NECAB1: variants seen among roughly 807,000 people sequenced by gnomAD.
NECAB1 encodes the protein N-terminal EF-hand calcium binding protein 1, also known as N-terminal EF-hand calcium-binding protein 1.
NECAB1 carries 29 observed loss-of-function variants against 57.5 expected under a neutral mutation model. The ratio of observed to expected loss-of-function variants is 0.50; its 90% confidence interval spans 0.38 to 0.69. The LOEUF (loss-of-function observed/expected upper bound fraction) is 0.69. Among genes scored for constraint, NECAB1 ranks in the 30% least tolerant of loss-of-function variants. NECAB1 has a pLI of 0.00. For synonymous variants in NECAB1, 142 were observed against 147.7 expected (o/e 0.96, Z 0.28); for missense variants, 372 against 413.8 (o/e 0.90, Z 0.88).
At position 90,801,113 on chromosome 8, in the gene NECAB1, G is replaced by C. The variant is rs562068454; in HGVS notation, c.100-578G>C. 1.7e-4 allele frequency among the ~76,000 whole-genome samples: 26 copies of C among 152,124 alleles called. No individual in the cohort carries two copies. In the South Asian group the frequency reaches 5.4e-3, roughly 32 times the overall value. On this transcript the variant is annotated intron_variant, in intron 1 of 12. Coordinates refer to ENST00000417640, the MANE Select transcript of NECAB1 (RefSeq NM_022351.5). Reference sequence around the variant, plus strand: ...TTTTGTTGAATCCCAGTTTTATTGAGGTATGATTGACTTACATTAATGTGC... The same window carrying C: ...TTTTGTTGAATCCCAGTTTTATTGACGTATGATTGACTTACATTAATGTGC...
chr8:90,809,419 A>G (rs567657023), intron 2 of NECAB1, among the ~76,000 whole-genome samples: 1 of 152,350 alleles, frequency 6.6e-6, no homozygotes, highest in South Asian at 2.1e-4. Context: ...GGCACTTAGC[A>G]TACAGCAAAA....
chr8:90,929,665 C>T (rs1317748504), intron 8 of NECAB1, among the ~76,000 whole-genome samples: 1 of 152,072 alleles, frequency 6.6e-6, no homozygotes, highest in Non-Finnish European at 1.5e-5. Context: ...AATCCCAGAG[C>T]ACAGTACAGA....
intron 3 of NECAB1, among the ~76,000 whole-genome samples, chr8:90,834,121 C>T (rs967582922): frequency 1.5e-5 from 2 of 132,062 alleles, no homozygotes; most frequent in South Asian, 2.4e-4. Context: ...TGAGACTGTG[C>T]ACCACTGTAC....
intron 12 of NECAB1, among the ~76,000 whole-genome samples, chr8:90,954,857 A>G (rs1810991493): frequency 6.7e-6 from 1 of 148,316 alleles, no homozygotes; most frequent in Non-Finnish European, 1.5e-5. Context: ...TTATAAATAT[A>G]TGTATACATA....
chr8:90,882,874 A>T (rs1586082282), intron 5 of NECAB1, among the ~76,000 whole-genome samples: 2 of 152,186 alleles, frequency 1.3e-5, no homozygotes, highest in Admixed American at 1.3e-4. Flanking sequence ...AATTAAAATC[A>T]TACTCAAAAA....
intron 8 of NECAB1, among the ~76,000 whole-genome samples, chr8:90,931,187 G>C (rs193283470): frequency 1.3e-5 from 2 of 152,198 alleles, no homozygotes; most frequent in African/African-American, 4.8e-5. Context: ...GTGGAGCTCA[G>C]TGTGAGCTGT....
intron 4 of NECAB1, among the ~76,000 whole-genome samples, chr8:90,877,443 C>A (rs1808748425): frequency 6.6e-6 from 1 of 152,128 alleles, no homozygotes; most frequent in South Asian, 2.1e-4. Context: ...TCCTAGGGAA[C>A]CTCGCCCTCA....
intron 9 of NECAB1, among the ~76,000 whole-genome samples, chr8:90,935,552 G>A (rs1220931473): frequency 5.3e-5 from 8 of 152,042 alleles, no homozygotes; most frequent in African/African-American, 1.7e-4. Flanking sequence ...GTGCAGTCCC[G>A]GAGGCACAGG....
Position 90,934,309 on chromosome 8 carries a change from C to CA in NECAB1, c.702dup (p.Leu235ThrfsTer10). Reference sequence around the variant, plus strand: ...ATTTCTTCCTCTTATTGAAGGATCTCAAACTCGAACCACCAGAAGAAGAAA... The same window carrying CA: ...ATTTCTTCCTCTTATTGAAGGATCTCAAAACTCGAACCACCAGAAGAAGAAA... On this transcript the variant is annotated frameshift_variant, in exon 9 of 13. Transcript: ENST00000417640. LOFTEE classifies it high-confidence loss of function. 1 of 1,515,432 alleles carries CA rather than the reference C, an allele frequency of 6.6e-7. No homozygotes were observed. Among genetic ancestry groups the CA allele is most frequent in the Non-Finnish European group, 8.8e-7 (1 of 1,132,060 alleles). 93.9% of individuals were successfully genotyped at this position (1,515,432 alleles called of 1,614,324 possible). A position where few individuals can be genotyped will look rare whatever the true frequency, so the allele number is the denominator to read the frequency against.
chr8:90,931,322 G>C (rs1384925921), intron 8 of NECAB1, among the ~76,000 whole-genome samples: 2 of 152,134 alleles, frequency 1.3e-5, no homozygotes, highest in African/African-American at 4.8e-5. Context: ...TCATTTCACT[G>C]CTGAGTACCT....
chr8:90,923,432 C>CATTGTTA (rs1810178152), intron 6 of NECAB1, among the ~76,000 whole-genome samples: 2 of 152,180 alleles, frequency 1.3e-5, no homozygotes, highest in South Asian at 2.1e-4. Flanking sequence ...TGATTAATCC[C>CATTGTTA]AGAGAAAAGA....
At chr8:90,856,319 T>G (rs1199428939) in intron 3 of NECAB1, among the ~76,000 whole-genome samples, 1 of 152,072 alleles carries the variant, frequency 6.6e-6, no homozygotes, top group Admixed American at 6.6e-5. Context: ...GAATTTTTCT[T>G]TTTTTAAAAA....
At chr8:90,884,377 A>G (rs1808920155) in intron 5 of NECAB1, among the ~76,000 whole-genome samples, 1 of 152,166 alleles carries the variant, frequency 6.6e-6, no homozygotes. Flanking sequence ...AGGGCTCCAT[A>G]GTCCTTTCAC....
intron 2 of NECAB1, chr8:90,813,146 C>A (rs962023339): frequency 1.3e-5 from 2 of 152,042 alleles, no homozygotes; most frequent in Admixed American, 1.3e-4. Flanking sequence ...TGAGATCGTG[C>A]CACTGCACTC....
chr8:90,932,771 T>G (rs1158315740), intron 8 of NECAB1, among the ~76,000 whole-genome samples: 4 of 152,188 alleles, frequency 2.6e-5, no homozygotes, highest in Admixed American at 6.5e-5. Context: ...AGTTTACTTC[T>G]TATTTATTTG....
At chr8:90,844,553 A>G (rs1412163270) in intron 3 of NECAB1, among the ~76,000 whole-genome samples, 1 of 152,070 alleles carries the variant, frequency 6.6e-6, no homozygotes, top group Admixed American at 6.5e-5. Flanking sequence ...CTATTGTCAG[A>G]TCCTCCCTAC....
At chr8:90,856,805 A>G (rs952903598) in intron 3 of NECAB1, among the ~76,000 whole-genome samples, 2 of 152,220 alleles carry the variant, frequency 1.3e-5, no homozygotes, top group Non-Finnish European at 2.9e-5. Context: ...GCTACCATGC[A>G]CGTATCAAGG....
intron 10 of NECAB1, among the ~76,000 whole-genome samples, chr8:90,947,271 A>G (rs1810824817): frequency 7.6e-6 from 1 of 131,556 alleles, no homozygotes; most frequent in Admixed American, 7.8e-5. Flanking sequence ...TAAAAGTGAT[A>G]CTTTCCTTTT....
intron 10 of NECAB1, among the ~76,000 whole-genome samples, chr8:90,944,487 TCTTCA>T (rs1324186722): frequency 6.6e-6 from 1 of 152,222 alleles, no homozygotes; most frequent in Non-Finnish European, 1.5e-5. Context: ...CACACACTAT[TCTTCA>T]CTTATTTTGT....
Sources: allele counts gnomAD v4.1 joint callset (sites outside exome capture counted in the v4.1 genomes callset), GRCh38; gene constraint gnomAD v4.1.1; transcripts MANE v1.5; gene names NCBI Gene and HGNC (gene_info 2026-07-23, HGNC 2026-07-21).